The following GLRA3 variants were observed in gnomAD, a reference collection of about 807,000 sequenced individuals.
GLRA3 encodes the protein glycine receptor alpha 3.
GLRA3 carries 44 observed loss-of-function variants against 60.4 expected under a neutral mutation model. The ratio of observed to expected loss-of-function variants is 0.73; its 90% CI spans 0.57 to 0.94. The LOEUF (loss-of-function observed/expected upper bound fraction) is 0.94. Ranked by LOEUF, GLRA3 falls within the 40% of genes least tolerant of loss-of-function variation. The pLI, the probability that GLRA3 is intolerant of heterozygous loss-of-function variation, is 0.00. For synonymous variants in GLRA3, 223 were observed against 192.9 expected (o/e 1.16, Z -1.29); for missense variants, 508 against 564.6 (o/e 0.90, Z 1.02).
chr4:174,677,751 T>C (rs1734188646), intron 6 of GLRA3, among the ~76,000 whole-genome samples: 1 of 152,196 alleles, frequency 6.6e-6, no homozygotes, highest in African/African-American at 2.4e-5. Flanking sequence ...TATTTTTCAC[T>C]GTTAGCATCA....
At chr4:174,706,091 G>A (rs565719884) in intron 5 of GLRA3, among the ~76,000 whole-genome samples, 14 of 152,052 alleles carry the variant, frequency 9.2e-5, no homozygotes, top group South Asian at 6.2e-4. Flanking sequence ...TTAGCCGGGC[G>A]TGGTGGCGGG....
chr4:174,683,322 T>C (rs35817385), intron 5 of GLRA3, among the ~76,000 whole-genome samples: 64,185 of 151,954 alleles, frequency 0.42, 14,106 homozygotes, highest in Middle Eastern at 0.54. Flanking sequence ...ACTTTCTCAA[T>C]AAAAACTGAA....
At chr4:174,715,878 T>G (rs1579495546) in intron 4 of GLRA3, among the ~76,000 whole-genome samples, 2 of 152,260 alleles carry the variant, frequency 1.3e-5, no homozygotes, top group East Asian at 3.9e-4. Context: ...CCCGTCATAT[T>G]TATATATCTA....
chr4:174,693,877 A>G (rs1441231379), intron 5 of GLRA3, among the ~76,000 whole-genome samples: 2 of 152,170 alleles, frequency 1.3e-5, no homozygotes, highest in Non-Finnish European at 2.9e-5. Flanking sequence ...TGCTCAAAGT[A>G]CAGATATGGA....
chr4:174,746,828 C>G (rs887717600), intron 3 of GLRA3, among the ~76,000 whole-genome samples: 1 of 152,098 alleles, frequency 6.6e-6, no homozygotes, highest in Non-Finnish European at 1.5e-5. Context: ...CACATGTACC[C>G]AATAAATATG....
At chr4:174,810,331 G>T (rs1740212858) in intron 1 of GLRA3, among the ~76,000 whole-genome samples, 1 of 152,032 alleles carries the variant, frequency 6.6e-6, no homozygotes, top group South Asian at 2.1e-4. Context: ...TAGCGGTGGG[G>T]AGAGGCAAGA....
At chr4:174,771,189 A>C (rs1167539787) in intron 2 of GLRA3, among the ~76,000 whole-genome samples, 1 of 152,034 alleles carries the variant, frequency 6.6e-6, no homozygotes, top group African/African-American at 2.4e-5. Flanking sequence ...ATATGTAACA[A>C]ACCTGCACAT....
At chr4:174,673,046 A>C (rs1260086759) in intron 7 of GLRA3, among the ~76,000 whole-genome samples, 4 of 152,150 alleles carry the variant, frequency 2.6e-5, no homozygotes, top group African/African-American at 9.7e-5. Context: ...TCTGCAGATG[A>C]TATGAAACAT....
intron 3 of GLRA3, among the ~76,000 whole-genome samples, chr4:174,745,190 A>T (rs1412668896): frequency 2.0e-5 from 3 of 152,218 alleles, no homozygotes; most frequent in African/African-American, 7.2e-5. Flanking sequence ...GTATTCCTGA[A>T]GGTGAAGAAA....
At chr4:174,742,240 G>A (rs1035171802) in intron 3 of GLRA3, among the ~76,000 whole-genome samples, 17 of 152,196 alleles carry the variant, frequency 1.1e-4, no homozygotes, top group Admixed American at 1.0e-3. Flanking sequence ...TATTGACCAA[G>A]GACTCACCTA....
chr4:174,716,666 T>C (rs1165836353), intron 4 of GLRA3, among the ~76,000 whole-genome samples: 5 of 152,246 alleles, frequency 3.3e-5, no homozygotes, highest in Non-Finnish European at 7.4e-5. Flanking sequence ...ATCCCCTATA[T>C]TGCAGTTTTC....
intron 2 of GLRA3, among the ~76,000 whole-genome samples, chr4:174,777,318 T>A (rs1296703801): frequency 6.6e-6 from 1 of 152,118 alleles, no homozygotes; most frequent in African/African-American, 2.4e-5. Flanking sequence ...TAATGTCAAA[T>A]GCATACAAAA....
chr4:174,824,729 A>G (rs1267138864), intron 1 of GLRA3, among the ~76,000 whole-genome samples: 1 of 152,130 alleles, frequency 6.6e-6, no homozygotes, highest in East Asian at 1.9e-4. Context: ...GGCCCACCAC[A>G]AGTACCAAGG....
chr4:174,788,590 T>TAAAAAAAAAAAAAAAAAAA (rs35640897), intron 2 of GLRA3, among the ~76,000 whole-genome samples: 4 of 87,872 alleles, frequency 4.6e-5, no homozygotes, highest in Non-Finnish European at 6.5e-5. Flanking sequence ...GTTAGAGAAG[T>TAAAAAAAAAAAAAAAAAAA]AAAAAAAAAA....
intron 2 of GLRA3, among the ~76,000 whole-genome samples, chr4:174,768,788 C>A (rs1351455021): frequency 1.3e-5 from 2 of 152,120 alleles, no homozygotes; most frequent in Admixed American, 1.3e-4. Flanking sequence ...TTCTAGAAAT[C>A]ATTCTTTTCC....
chr4:174,720,819 G>T (rs1306525149), intron 4 of GLRA3, among the ~76,000 whole-genome samples: 1 of 152,024 alleles, frequency 6.6e-6, no homozygotes, highest in African/African-American at 2.4e-5. Flanking sequence ...TCCTTTATAA[G>T]AATTAATAGA....
chr4:174,798,437 A>G (rs1198813185), intron 1 of GLRA3, among the ~76,000 whole-genome samples: 3 of 152,210 alleles, frequency 2.0e-5, no homozygotes, highest in South Asian at 2.1e-4. Context: ...CCATCTCCCT[A>G]TGCTTCAATG....
intron 2 of GLRA3, among the ~76,000 whole-genome samples, chr4:174,778,460 C>T (rs921471479): frequency 6.6e-6 from 1 of 151,614 alleles, no homozygotes; most frequent in African/African-American, 2.4e-5. Context: ...AAAAAAAACA[C>T]AGGGGGGATG....
intron 5 of GLRA3, among the ~76,000 whole-genome samples, chr4:174,697,500 T>A (rs988506881): frequency 6.6e-6 from 1 of 152,226 alleles, no homozygotes; most frequent in Non-Finnish European, 1.5e-5. Context: ...TTTTTATTTA[T>A]AATTTGTGCA....
Sources: gnomAD v4.1 joint callset for allele counts (sites outside exome capture counted in the v4.1 genomes callset) on GRCh38, gnomAD v4.1.1 for gene constraint, MANE v1.5 for transcripts, NCBI Gene and HGNC (gene_info 2026-07-23, HGNC 2026-07-21) for gene names.